The following DGKD variants were observed in gnomAD, a reference collection of about 807,000 sequenced individuals.
DGKD encodes the protein DAG kinase delta.
DGKD carries 68 observed loss-of-function variants against 154.4 expected under a neutral mutation model. The ratio of observed to expected loss-of-function variants is 0.44; its 90% CI spans 0.36 to 0.54. DGKD has a LOEUF of 0.54. DGKD is among the 20% of genes least tolerant of loss of function. The pLI, the probability that DGKD is intolerant of heterozygous loss-of-function variation, is 0.00. For synonymous variants in DGKD, 693 were observed against 638.0 expected, an observed-to-expected ratio of 1.09 and a Z score of -1.30; for missense variants, 1,343 against 1,593.6, an observed-to-expected ratio of 0.84 and a Z score of 2.68.
intron 3 of DGKD, among the ~76,000 whole-genome samples, chr2:233,407,194 A>C (rs1476823798): frequency 6.6e-6 from 1 of 152,220 alleles, no homozygotes; most frequent in Non-Finnish European, 1.5e-5. Context: ...TAGGAAAGTA[A>C]TAGGGTTTAA....
chr2:233,458,279 T>C lies in DGKD; in HGVS notation c.2581-5T>C. ...TGGTGGTCAGCTCTAACGTGTCCCT[T>C]GCAGACTTTCGCAGCTCCATCATTC... is the stretch of plus-strand genomic sequence containing the variant. On this transcript the variant is annotated splice_region_variant and splice_polypyrimidine_tract_variant and intron_variant, in intron 21 of 29. Transcript: ENST00000264057. The surrounding 1 kb of genome is among the most constrained non-coding windows in gnomAD (Gnocchi z 6.6). The C allele has an allele frequency of 6.2e-7, 1 of 1,607,818 alleles. No homozygotes were observed. Among genetic ancestry groups the C allele is most frequent in the Non-Finnish European group, 8.5e-7 (1 of 1,175,496 alleles).
intron 3 of DGKD, among the ~76,000 whole-genome samples, chr2:233,397,158 C>CG (rs1181508009): frequency 1.7e-4 from 5 of 28,700 alleles, no homozygotes; most frequent in African/African-American, 4.0e-4. Flanking sequence ...AGGGTGGCTG[C>CG]GGGGGGGGCC....
intron 3 of DGKD, among the ~76,000 whole-genome samples, chr2:233,399,797 G>T (rs2061512828): frequency 6.6e-6 from 1 of 152,146 alleles, no homozygotes; most frequent in African/African-American, 2.4e-5. Flanking sequence ...GGGTGCAGAG[G>T]GGCCTTTCCC....
intron 1 of DGKD, among the ~76,000 whole-genome samples, chr2:233,369,959 A>G (rs1362008738): frequency 6.6e-6 from 1 of 152,168 alleles, no homozygotes; most frequent in Non-Finnish European, 1.5e-5. Flanking sequence ...TCCTTATAGA[A>G]TGATGGAAGA....
chr2:233,399,428 A>G (rs1157591081), intron 3 of DGKD, among the ~76,000 whole-genome samples: 1 of 152,214 alleles, frequency 6.6e-6, no homozygotes, highest in African/African-American at 2.4e-5. Context: ...TCCTTCCTGC[A>G]GGGCACAGTC....
intron 19 of DGKD, among the ~76,000 whole-genome samples, chr2:233,455,563 C>T (rs1053542261): frequency 1.3e-5 from 2 of 152,236 alleles, no homozygotes; most frequent in Non-Finnish European, 2.9e-5. Context: ...TCAGCTTTGA[C>T]ATGATTAGAA....
intron 1 of DGKD, chr2:233,386,134 C>A: frequency 3.2e-6 from 1 of 311,894 alleles, no homozygotes; most frequent in Non-Finnish European, 6.5e-6. Context: ...TATAACTTTT[C>A]TGGGTTTTGG....
chr2:233,432,959 A>T (rs1256043053), intron 3 of DGKD, among the ~76,000 whole-genome samples: 1 of 152,200 alleles, frequency 6.6e-6, no homozygotes, highest in Non-Finnish European at 1.5e-5. Flanking sequence ...GCTGGCGAGG[A>T]TGTGGAGAAA....
chr2:233,377,888 G>T (rs1485461045), intron 1 of DGKD, among the ~76,000 whole-genome samples: 2 of 152,064 alleles, frequency 1.3e-5, no homozygotes, highest in African/African-American at 2.4e-5. Flanking sequence ...ACAGCTCACC[G>T]CAGCAGCCTC....
rs574751730 is a variant in DGKD at position 233,437,568 on chromosome 2, A to T, written c.922+89A>T. 6 of 1,321,604 alleles carry T rather than the reference A, an allele frequency of 4.5e-6. No homozygotes were observed. The South Asian group carries it at 7.5e-5, about 17-fold the overall frequency. 81.9% of individuals were successfully genotyped at this position (1,321,604 alleles called of 1,614,324 possible). A position where few individuals can be genotyped will look rare whatever the true frequency, so the allele number is the denominator to read the frequency against. The stretch of plus-strand genomic sequence containing the variant: ...CTCTTCTCCAGCTCTGGAGTTGGTT[A>T]TCTTGGTGAGATGTCAGCAAGAGGT... On this transcript the variant is annotated intron_variant, in intron 8 of 29. Transcript: ENST00000264057.
rs1429613106 is a variant in DGKD, at chr2:233,470,393, G to A, written c.*933G>A. The stretch of plus-strand genomic sequence containing the variant: ...GCGTGGCCCTGGTGGGCCAGGGGTG[G>A]TTTGACCTCTTCAGCCCGTCCGGTG... On this transcript the variant is annotated 3_prime_UTR_variant, in exon 30 of 30. Coordinates refer to ENST00000264057, the MANE Select transcript of DGKD (RefSeq NM_152879.3). 6.6e-6 allele frequency: 1 copy of A among 152,382 alleles called. No individual in the cohort carries two copies. The highest frequency in any genetic ancestry group is 2.1e-4 in the South Asian group (1 of 4,830). The allele number at this position is 152,382 out of a possible 1,614,324, so 9.4% of individuals were successfully genotyped here.
chr2:233,390,343 T>C (rs953438899), intron 2 of DGKD, 60 bp from the exon 3 acceptor site: 2 of 1,353,634 alleles, frequency 1.5e-6, no homozygotes, highest in Non-Finnish European at 2.1e-6. Flanking sequence ...CAGCGCTGGC[T>C]AGTGCTTAGG....
At position 233,448,460 on chromosome 2, in the gene DGKD, T is replaced by G. The variant is rs1575142711; in HGVS notation, c.1614+85T>G. ...CCAGCAGAGGGCCGTGACTGCAGGT[T>G]GTCCAGGTTCTTGGTGATTTGAACA... On this transcript the variant is annotated intron_variant, in intron 14 of 29. Transcript: ENST00000264057. 4 of 1,229,264 alleles carry G rather than the reference T, an allele frequency of 3.3e-6. No homozygotes were observed. The East Asian group carries it at 9.4e-5, about 29-fold the overall frequency. 76.1% of individuals were successfully genotyped at this position (1,229,264 alleles called of 1,614,324 possible).
intron 1 of DGKD, among the ~76,000 whole-genome samples, chr2:233,378,405 C>G (rs1702703161): frequency 7.0e-6 from 1 of 142,248 alleles, no homozygotes; most frequent in African/African-American, 2.8e-5. Context: ...GAGTGAGACT[C>G]CATCTCAAAA....
intron 3 of DGKD, among the ~76,000 whole-genome samples, chr2:233,416,066 C>T (rs556179658): frequency 6.6e-6 from 1 of 152,196 alleles, no homozygotes; most frequent in African/African-American, 2.4e-5. Flanking sequence ...TTGTGTCCTG[C>T]CTTTTTTAAA....
intron 1 of DGKD, among the ~76,000 whole-genome samples, chr2:233,368,461 A>G (rs1467298350): frequency 6.6e-6 from 1 of 152,118 alleles, no homozygotes; most frequent in Non-Finnish European, 1.5e-5. Flanking sequence ...GCAGTGAGCC[A>G]AGATCACACC....
rs372719727 is a variant in DGKD, at chr2:233,462,483, C to T, written c.3093+24C>T. 2.5e-6 allele frequency: 4 copies of T among 1,581,866 alleles called. No individual in the cohort carries two copies. In the African/African-American group the frequency reaches 4.0e-5, roughly 16 times the overall value. On this transcript the variant is annotated intron_variant, in intron 25 of 29. Transcript: ENST00000264057. The stretch of plus-strand genomic sequence containing the variant: ...AGGTAGCTATTCTGGCCTTTTCAGT[C>T]CTGGCTTCTTCTCAGTGTCTGCCGC...
intron 16 of DGKD, among the ~76,000 whole-genome samples, chr2:233,450,512 C>T (rs1575147549): frequency 6.6e-6 from 1 of 152,168 alleles, no homozygotes; most frequent in Non-Finnish European, 1.5e-5. Context: ...TTTGTCCTTG[C>T]CCCTCCTGGA....
intron 1 of DGKD, among the ~76,000 whole-genome samples, chr2:233,376,405 T>G (rs571506045): frequency 1.6e-4 from 25 of 152,300 alleles, no homozygotes; most frequent in African/African-American, 6.0e-4. Context: ...GACCCCAATT[T>G]CTTCATTAGT....
Sources: allele counts gnomAD v4.1 joint callset (sites outside exome capture counted in the v4.1 genomes callset), GRCh38; gene constraint gnomAD v4.1.1; non-coding constraint Gnocchi (gnomAD v3.1); transcripts MANE v1.5; gene names NCBI Gene and HGNC (gene_info 2026-07-23, HGNC 2026-07-21).